The following TRAPPC10 variants were observed in gnomAD, a reference collection of about 807,000 sequenced individuals.
TRAPPC10 encodes trafficking protein particle complex subunit 10.
Under a neutral mutation model 125.5 loss-of-function variants are expected in TRAPPC10, and 23 were observed. The observed-to-expected ratio is 0.18, with a 90% confidence interval of 0.13 to 0.26. The LOEUF (loss-of-function observed/expected upper bound fraction) is 0.26, where lower values mean the gene tolerates loss of function less well. TRAPPC10 is among the 10% of genes least tolerant of loss of function. The pLI, the probability that TRAPPC10 is intolerant of heterozygous loss-of-function variation, is 1.00. For synonymous variants in TRAPPC10, 509 were observed against 518.0 expected (o/e 0.98, Z 0.24); for missense variants, 1,123 against 1,308.4 (o/e 0.86, Z 2.19).
intron 1 of TRAPPC10, among the ~76,000 whole-genome samples, chr21:44,028,144 GT>G (rs1355564522): frequency 1.3e-5 from 2 of 152,180 alleles, no homozygotes; most frequent in Non-Finnish European, 2.9e-5. Flanking sequence ...AATTACACAA[GT>G]AATGCATGAA....
At chr21:44,041,267 G>A (rs939065021) in intron 3 of TRAPPC10, among the ~76,000 whole-genome samples, 2 of 151,990 alleles carry the variant, frequency 1.3e-5, no homozygotes, top group South Asian at 2.1e-4. Flanking sequence ...GATGAAAATT[G>A]GTCTGTTTTC....
intron 13 of TRAPPC10, among the ~76,000 whole-genome samples, chr21:44,080,540 CTTCT>C (rs2037620321): frequency 6.6e-6 from 1 of 150,712 alleles, no homozygotes; most frequent in African/African-American, 2.5e-5. Flanking sequence ...TTTTCTTCTT[CTTCT>C]TTTTTTTTTT....
chr21:44,056,728 G>A (rs2035622608), intron 5 of TRAPPC10, among the ~76,000 whole-genome samples: 1 of 152,168 alleles, frequency 6.6e-6, no homozygotes, highest in South Asian at 2.1e-4. Context: ...GACTGCAGGG[G>A]CTGAAGGAAG....
rs2037795948 is a variant in TRAPPC10 at position 44,082,100 on chromosome 21, A to T, written c.1724-688A>T. On this transcript the variant is annotated intron_variant, in intron 13 of 22. Coordinates refer to ENST00000291574, the MANE Select transcript of TRAPPC10 (RefSeq NM_003274.5). This position sits in a 1 kb window ranked among gnomAD's most constrained non-coding sequence, Gnocchi z 4.4. ...ATTCCACAATCGTTTACTGTTTCTC[A>T]TGATCTATGGCATCAGTCTTGGCAA... is the stretch of plus-strand genomic sequence containing the variant. 6.6e-6 allele frequency among the ~76,000 whole-genome samples: 1 copy of T among 152,176 alleles called. No homozygotes were observed. Among genetic ancestry groups the T allele is most frequent in the South Asian group, 2.1e-4 (1 of 4,828 alleles).
intron 1 of TRAPPC10, among the ~76,000 whole-genome samples, chr21:44,021,629 A>G (rs990693533): frequency 1.3e-5 from 2 of 152,132 alleles, no homozygotes; most frequent in Non-Finnish European, 2.9e-5. Context: ...TTATCCACGA[A>G]TGGATGTTAT....
chr21:44,084,307 A>G (rs1441404945), intron 15 of TRAPPC10, 44 bp downstream of exon 15: 3 of 1,583,686 alleles, frequency 1.9e-6, no homozygotes, highest in Non-Finnish European at 1.7e-6. Flanking sequence ...CTGCTGGGGC[A>G]GTTCTGAGGA....
chr21:44,088,295 A>C, intron 17 of TRAPPC10: 1 of 233,178 alleles, frequency 4.3e-6, no homozygotes, highest in Non-Finnish European at 8.5e-6. Flanking sequence ...GTCCACTGAA[A>C]CTCATAAGCT....
chr21:44,012,980 A>C (rs773150972), intron 1 of TRAPPC10, among the ~76,000 whole-genome samples: 4 of 152,164 alleles, frequency 2.6e-5, no homozygotes, highest in South Asian at 2.1e-4. Flanking sequence ...ACTACGGGGA[A>C]GTCCTTGGGG....
intron 9 of TRAPPC10, among the ~76,000 whole-genome samples, chr21:44,075,611 A>C (rs1217100185): frequency 6.6e-6 from 1 of 151,934 alleles, no homozygotes; most frequent in African/African-American, 2.4e-5. Context: ...TCACCCTCCC[A>C]GGTAGCTGGG....
intron 20 of TRAPPC10, among the ~76,000 whole-genome samples, chr21:44,095,644 A>G (rs1021963568): frequency 6.6e-6 from 1 of 150,594 alleles, no homozygotes; most frequent in Non-Finnish European, 1.5e-5. Flanking sequence ...GCTCACTGCA[A>G]CCTCCGCCCC....
At chr21:44,044,423 T>G (rs2034632631) in intron 3 of TRAPPC10, among the ~76,000 whole-genome samples, 1 of 152,148 alleles carries the variant, frequency 6.6e-6, no homozygotes, top group African/African-American at 2.4e-5. Context: ...AATAGTTGCT[T>G]TAGGACTTAT....
chr21:44,057,305 CTTT>C, intron 5 of TRAPPC10, among the ~76,000 whole-genome samples: 1 of 146,536 alleles, frequency 6.8e-6, no homozygotes, highest in South Asian at 2.2e-4. Flanking sequence ...CTCTCTCTCT[CTTT>C]TTTTTTTTAT....
At chr21:44,060,231 A>C (rs562529410) in intron 6 of TRAPPC10, 1 of 152,312 alleles carries the variant, frequency 6.6e-6, no homozygotes, top group African/African-American at 2.4e-5. Context: ...ACTAAGTAAA[A>C]AAATAAAATA....
At chr21:44,037,446 TTTC>T (rs1188093607) in intron 2 of TRAPPC10, among the ~76,000 whole-genome samples, 1 of 152,194 alleles carries the variant, frequency 6.6e-6, no homozygotes, top group East Asian at 1.9e-4. Context: ...GGGACACACT[TTTC>T]TTCTTTTATG....
intron 1 of TRAPPC10, among the ~76,000 whole-genome samples, chr21:44,027,687 T>C (rs1333332651): frequency 6.6e-6 from 1 of 152,206 alleles, no homozygotes; most frequent in Non-Finnish European, 1.5e-5. Flanking sequence ...CGCACGGTGC[T>C]GTCTGGAGGG....
chr21:44,061,909 T>C (rs558200720), intron 6 of TRAPPC10, among the ~76,000 whole-genome samples: 2 of 152,372 alleles, frequency 1.3e-5, no homozygotes, highest in Admixed American at 6.5e-5. Context: ...TGAGGGCATT[T>C]GTTAGCCTCA....
Position 44,084,231 on chromosome 21 carries a change from A to G in TRAPPC10, c.2348A>G (p.Gln783Arg), listed in dbSNP as rs1304960689. 6.2e-7 allele frequency: 1 copy of G among 1,614,028 alleles called. No individual in the cohort carries two copies. Among genetic ancestry groups the G allele is most frequent in the African/African-American group, 1.3e-5 (1 of 75,074 alleles). ...YPIVQYDVYS[Q>R]EPQLHVEPLA... The stretch of plus-strand genomic sequence containing the variant: ...ATTGTGCAGTACGACGTGTACTCAC[A>G]GGAGCCCCAGCTGCACGTGGAGCCG... The change falls in exon 15 of 23, where the codon CAG becomes CGG. Residue 783 changes from glutamine (Q) to arginine (R), a missense_variant. Physicochemically the swap from Gln to Arg is conservative, Grantham distance 43. Coordinates refer to ENST00000291574, the MANE Select transcript of TRAPPC10 (RefSeq NM_003274.5).
At chr21:44,012,626 C>T in intron 1 of TRAPPC10, 66 bp downstream of exon 1, 6 of 1,399,934 alleles carry the variant, frequency 4.3e-6, no homozygotes, top group East Asian at 2.7e-5. Context: ...GCGTTATGCA[C>T]CCGGCGCCCC....
intron 1 of TRAPPC10, among the ~76,000 whole-genome samples, chr21:44,031,650 AT>A (rs2033593571): frequency 6.6e-6 from 1 of 152,200 alleles, no homozygotes; most frequent in Non-Finnish European, 1.5e-5. Context: ...CCACCTATAA[AT>A]TTTAGCTCCT....
Sources: gnomAD v4.1 joint callset for allele counts (sites outside exome capture counted in the v4.1 genomes callset) on GRCh38, gnomAD v4.1.1 for gene constraint, Gnocchi (gnomAD v3.1) non-coding constraint, MANE v1.5 for transcripts, NCBI Gene and HGNC (gene_info 2026-07-23, HGNC 2026-07-21) for gene names.